Variants in HELZ observed in about 807,000 individuals in gnomAD.
HELZ encodes helicase with zinc finger, also known as ATP-dependent RNA helicase with zinc finger domain.
In HELZ, 23 loss-of-function variants were observed where a neutral mutation model predicts 218.2. The ratio of observed to expected loss-of-function variants is 0.11; its 90% CI spans 0.08 to 0.15. The LOEUF is 0.15. Among genes scored for constraint, HELZ ranks in the 10% least tolerant of loss-of-function variants. The probability of loss-of-function intolerance (pLI) is 1.00; values close to 1 mark genes in which losing one functional copy is unlikely to be tolerated. For missense variants in HELZ, 1,813 were observed against 2,353.7 expected (o/e 0.77, Z 4.75); for synonymous variants, 814 against 829.4 (o/e 0.98, Z 0.32).
chr17:67,108,721 T>C lies in HELZ; in HGVS notation c.4495A>G (p.Ile1499Val), dbSNP rs746094260. 2 of 1,569,872 alleles carry C rather than the reference T, an allele frequency of 1.3e-6. No homozygotes were observed. The highest frequency in any genetic ancestry group is 3.8e-5 in the Admixed American group (2 of 52,746). Reference sequence around the variant, plus strand: ...GTTTCCAGAGCGACACTCCCATGTATACGATCTGCAAAAATATTTGTGAAA... The same window carrying C: ...GTTTCCAGAGCGACACTCCCATGTACACGATCTGCAAAAATATTTGTGAAA... Reference protein sequence around the residue: ...GLPIGEALDRIHGSVALETLR... With the variant: ...GLPIGEALDRVHGSVALETLR... Residue 1499 changes from isoleucine (I) to valine (V), a missense_variant, in exon 30 of 33, where the codon ATA becomes GTA. Ile to Val is a conservative substitution (Grantham distance 29, BLOSUM62 3). This residue lies in a region of HELZ where 938 missense variants were observed against 1,027.5 expected (regional missense o/e 0.91). Coordinates refer to ENST00000358691, the MANE Select transcript of HELZ (RefSeq NM_014877.4). This position sits in a 1 kb window ranked among gnomAD's most constrained non-coding sequence, Gnocchi z 4.1.
At chr17:67,135,112 G>A (rs2038107549) in intron 23 of HELZ, among the ~76,000 whole-genome samples, 1 of 151,950 alleles carries the variant, frequency 6.6e-6, no homozygotes, top group Non-Finnish European at 1.5e-5. Flanking sequence ...TGGTGTGTAG[G>A]TTGATATTTT....
chr17:67,219,269 A>G (rs925938272), intron 3 of HELZ, among the ~76,000 whole-genome samples: 1 of 152,228 alleles, frequency 6.6e-6, no homozygotes, highest in African/African-American at 2.4e-5. Context: ...TATACCATGC[A>G]GGATTATTTC....
chr17:67,113,642 T>C (rs954223571), intron 28 of HELZ, among the ~76,000 whole-genome samples: 10 of 152,120 alleles, frequency 6.6e-5, no homozygotes, highest in Non-Finnish European at 1.3e-4. Flanking sequence ...AGTGCTAAAT[T>C]TAAGGTTACA....
intron 4 of HELZ, among the ~76,000 whole-genome samples, 161 bp from the exon 5 acceptor site, chr17:67,216,096 C>T (rs537249849): frequency 6.6e-6 from 1 of 152,262 alleles, no homozygotes; most frequent in African/African-American, 2.4e-5. Flanking sequence ...CTGAGGATTA[C>T]AGGGCACTCT....
chr17:67,195,798 A>G (rs985442563), intron 7 of HELZ, among the ~76,000 whole-genome samples: 1 of 148,742 alleles, frequency 6.7e-6, no homozygotes, highest in African/African-American at 2.5e-5. Context: ...TCTCCTCTTC[A>G]TAACACCTAG....
At chr17:67,242,904 G>A (rs12603609) in intron 2 of HELZ, among the ~76,000 whole-genome samples, 41,627 of 150,754 alleles carry the variant, frequency 0.28, 7,282 homozygotes, top group East Asian at 0.69. Flanking sequence ...AAAAATTTGT[G>A]AGAGGATTTC....
At chr17:67,100,344 T>C (rs1295317553) in intron 31 of HELZ, among the ~76,000 whole-genome samples, 2 of 152,150 alleles carry the variant, frequency 1.3e-5, no homozygotes, top group East Asian at 3.8e-4. Context: ...GAAACATGTA[T>C]GTCATCTCTA....
At chr17:67,113,901 GA>G (rs1411464695) in intron 28 of HELZ, among the ~76,000 whole-genome samples, 1 of 152,192 alleles carries the variant, frequency 6.6e-6, no homozygotes, top group South Asian at 2.1e-4. Flanking sequence ...CAGAAGCAGA[GA>G]AAATAGATGA....
chr17:67,208,474 G>C (rs1395908626), intron 5 of HELZ, among the ~76,000 whole-genome samples: 12 of 151,948 alleles, frequency 7.9e-5, no homozygotes, highest in African/African-American at 2.9e-4. Flanking sequence ...GTAGGTGAAG[G>C]GTACGTGGGA....
chr17:67,089,258 C>T (rs978532000), intron 31 of HELZ, among the ~76,000 whole-genome samples: 3 of 151,980 alleles, frequency 2.0e-5, no homozygotes, highest in Admixed American at 6.5e-5. Flanking sequence ...CATTAAATAA[C>T]GAACATACAC....
rs763396069 is a variant in HELZ at position 67,119,281 on chromosome 17, C to T, written c.3838+1124G>A. Among the ~76,000 whole-genome samples, 11 of 152,060 alleles carry T rather than the reference C, an allele frequency of 7.2e-5. No homozygotes were observed. In the South Asian group the frequency reaches 8.3e-4, roughly 11 times the overall value. Reference sequence around the variant, plus strand: ...AAATGATGGATGAATAAACATATTGCGGTACATCCATACAACTGAATACTA... The same window carrying T: ...AAATGATGGATGAATAAACATATTGTGGTACATCCATACAACTGAATACTA... On this transcript the variant is annotated intron_variant, in intron 27 of 32. Transcript: ENST00000358691.
chr17:67,081,179 A>G (rs1482913219), intron 32 of HELZ, among the ~76,000 whole-genome samples: 2 of 152,240 alleles, frequency 1.3e-5, no homozygotes, highest in Non-Finnish European at 2.9e-5. Context: ...GGGACACAGT[A>G]GAAGGACCTT....
chr17:67,125,775 T>C (rs962565807), intron 24 of HELZ, among the ~76,000 whole-genome samples: 2 of 152,156 alleles, frequency 1.3e-5, no homozygotes, highest in Non-Finnish European at 2.9e-5. Flanking sequence ...ACAGGGAGAT[T>C]ATCCTGGATT....
intron 12 of HELZ, among the ~76,000 whole-genome samples, chr17:67,184,909 A>G (rs1429677590): frequency 6.6e-6 from 1 of 152,190 alleles, no homozygotes; most frequent in East Asian, 1.9e-4. Flanking sequence ...TGTGTATGCA[A>G]AAACCAAATT....
chr17:67,145,605 T>C, intron 21 of HELZ, 138 bp downstream of exon 21: 1 of 625,188 alleles, frequency 1.6e-6, no homozygotes, highest in Non-Finnish European at 2.7e-6. Context: ...CAAGAAAGAA[T>C]AAACTTTACA....
In HELZ at chr17:67,134,278, G is replaced by A. The variant is rs372954062; in HGVS notation, c.3182+1692C>T. On this transcript the variant is annotated intron_variant, in intron 23 of 32. Transcript: ENST00000358691. Reference sequence around the variant, plus strand: ...CGCATGCCTGTAATCCCAGCTACTCGGGAGGCTGAGGTAGGAGAATCACTT... The same window carrying A: ...CGCATGCCTGTAATCCCAGCTACTCAGGAGGCTGAGGTAGGAGAATCACTT... Among the ~76,000 whole-genome samples, 5 of 152,026 alleles carry A rather than the reference G, an allele frequency of 3.3e-5. No homozygotes were observed. In the East Asian group the frequency reaches 7.8e-4, roughly 24 times the overall value.
intron 20 of HELZ, among the ~76,000 whole-genome samples, chr17:67,147,358 G>C (rs2038531689): frequency 6.6e-6 from 1 of 152,120 alleles, no homozygotes; most frequent in African/African-American, 2.4e-5. Context: ...CACAGCTCTT[G>C]TTACAGTCTT....
Position 67,190,142 on chromosome 17 carries a change from G to A in HELZ, c.756+15C>T. 1 of 1,599,414 alleles carries A rather than the reference G, an allele frequency of 6.3e-7. No individual in the cohort carries two copies. Among genetic ancestry groups the A allele is most frequent in the Non-Finnish European group, 8.6e-7 (1 of 1,167,020 alleles). On this transcript the variant is annotated intron_variant, in intron 10 of 32. Coordinates refer to ENST00000358691, the MANE Select transcript of HELZ (RefSeq NM_014877.4). Reference sequence around the variant, plus strand: ...TTTAAGACAAACAAAAAATAATGTAGCTTATTTTCCTCACCACTTTCTCAG... The same window carrying A: ...TTTAAGACAAACAAAAAATAATGTAACTTATTTTCCTCACCACTTTCTCAG...
intron 20 of HELZ, 29 bp downstream of exon 20, chr17:67,148,540 A>T: frequency 2.5e-6 from 4 of 1,593,016 alleles, no homozygotes; most frequent in Non-Finnish European, 3.4e-6. Context: ...CAACGAAAGT[A>T]TGACACGGAG....
Sources: allele counts gnomAD v4.1 joint callset (sites outside exome capture counted in the v4.1 genomes callset), GRCh38; gene constraint gnomAD v4.1.1; regional missense constraint gnomAD v4.1.1; non-coding constraint Gnocchi (gnomAD v3.1); transcripts MANE v1.5; gene names NCBI Gene and HGNC (gene_info 2026-07-23, HGNC 2026-07-21).